The following ATP8B4 variants were observed in gnomAD, a reference collection of about 807,000 sequenced individuals.
ATP8B4 encodes the protein probable phospholipid-transporting ATPase IM.
A neutral mutation model predicts 145.6 loss-of-function variants in ATP8B4; 133 were observed. That is an observed-to-expected ratio of 0.91 (90% confidence interval 0.79 to 1.05). The LOEUF (loss-of-function observed/expected upper bound fraction) is 1.05, where lower values mean the gene tolerates loss of function less well. ATP8B4 is among the 50% of genes least tolerant of loss of function. ATP8B4 has a pLI of 0.00. For synonymous variants in ATP8B4, 507 were observed against 492.9 expected (o/e 1.03, Z -0.38); for missense variants, 1,458 against 1,425.2 (o/e 1.02, Z -0.37).
intron 1 of ATP8B4, among the ~76,000 whole-genome samples, chr15:50,129,117 A>T (rs556237658): frequency 1.3e-5 from 2 of 152,204 alleles, no homozygotes; most frequent in African/African-American, 4.8e-5. Flanking sequence ...TTTTTAGGGC[A>T]TATAGGTAAT....
chr15:49,867,162 G>A (rs1251945384), intron 25 of ATP8B4, among the ~76,000 whole-genome samples: 1 of 152,152 alleles, frequency 6.6e-6, no homozygotes, highest in Non-Finnish European at 1.5e-5. Flanking sequence ...TGGTAAATAT[G>A]AACACTTGAG....
intron 1 of ATP8B4, among the ~76,000 whole-genome samples, chr15:50,172,759 C>T (rs572263620): frequency 3.4e-4 from 51 of 152,058 alleles, no homozygotes; most frequent in African/African-American, 1.2e-3. Flanking sequence ...CCCGCCGCCC[C>T]GTCTGAGATG....
At chr15:49,925,188 A>AATT in intron 16 of ATP8B4, among the ~76,000 whole-genome samples, 1 of 152,232 alleles carries the variant, frequency 6.6e-6, no homozygotes, top group East Asian at 1.9e-4. Flanking sequence ...TAGTTACTAT[A>AATT]ATTATTATTA....
chr15:49,877,795 A>G (rs1043266548), intron 24 of ATP8B4, among the ~76,000 whole-genome samples: 7 of 152,190 alleles, frequency 4.6e-5, no homozygotes, highest in African/African-American at 1.7e-4. Context: ...TTCTTGCCAC[A>G]TCGTAAGTAA....
intron 1 of ATP8B4, among the ~76,000 whole-genome samples, chr15:50,140,033 G>C (rs2153679762): frequency 6.6e-6 from 1 of 152,198 alleles, no homozygotes; most frequent in Admixed American, 6.5e-5. Flanking sequence ...TGATGGAAGG[G>C]GAGCTAGTGA....
At chr15:50,072,935 T>C (rs1270819966) in intron 3 of ATP8B4, among the ~76,000 whole-genome samples, 1 of 17,222 alleles carries the variant, frequency 5.8e-5, no homozygotes, top group African/African-American at 2.2e-4. Flanking sequence ...TCTCTCTCTC[T>C]CTCTCTCTCT....
intron 12 of ATP8B4, among the ~76,000 whole-genome samples, chr15:49,977,396 A>G (rs16963130): frequency 0.038 from 5,770 of 152,230 alleles, 364 homozygotes; most frequent in African/African-American, 0.13. Flanking sequence ...ATGCCTAACA[A>G]CAAGGACAGA....
rs141902919 is a variant in ATP8B4, at chr15:50,045,276, G to A, written c.202-584C>T. On this transcript the variant is annotated intron_variant, in intron 4 of 27. Transcript: ENST00000284509. ...GAGTCAGGAAATGTTGCAGACCTGG[G>A]TATCATGTCCCAATTTTATAAATGA... Among the ~76,000 whole-genome samples the A allele has an allele frequency of 2.5e-4, 38 of 152,180 alleles. 1 individual carries two copies. The highest frequency in any genetic ancestry group is 8.7e-4 in the African/African-American group (36 of 41,516).
At chr15:49,959,399 C>G (rs1181938145) in intron 14 of ATP8B4, among the ~76,000 whole-genome samples, 1 of 151,516 alleles carries the variant, frequency 6.6e-6, no homozygotes, top group Non-Finnish European at 1.5e-5. Context: ...AGCATATGCA[C>G]TAATGTCAGA....
intron 1 of ATP8B4, among the ~76,000 whole-genome samples, chr15:50,138,470 TAGAC>T (rs3076919): frequency 9.5e-4 from 145 of 151,862 alleles, no homozygotes; most frequent in Non-Finnish European, 1.7e-3. Flanking sequence ...GACAGATAGA[TAGAC>T]AGACAGATAG....
At position 49,905,594 on chromosome 15, in the gene ATP8B4, A is replaced by C. The variant is rs773051202; in HGVS notation, c.2142-4355T>G. On this transcript the variant is annotated intron_variant, in intron 20 of 27. Transcript: ENST00000284509. The stretch of plus-strand genomic sequence containing the variant: ...TGTTGCCTCTCTGTCTTATACTCTA[A>C]GAATGGGGTTACCTACAAGTCTGAG... Among the ~76,000 whole-genome samples the C allele has an allele frequency of 4.4e-4, 67 of 152,312 alleles. 1 individual carries two copies. Among genetic ancestry groups the C allele is most frequent in the Non-Finnish European group, 8.4e-4 (57 of 68,012 alleles).
rs1266157276 is a variant in ATP8B4 at position 49,931,168 on chromosome 15, TA to T, written c.1592del (p.Leu531TyrfsTer17). 6.2e-7 allele frequency: 1 copy of T among 1,612,378 alleles called. No homozygotes were observed. The part of the protein sequence containing the change: ...EELGTLVTYQ[L>X]LAFLDFNNTR... ...TGTTGTTGAAATCCAAAAAGGCAAG[TA>T]ATTGATAAGTAACTAGTGTTCCCAA... On this transcript the variant is annotated frameshift_variant, in exon 16 of 28. Transcript: ENST00000284509. LOFTEE classifies it high-confidence loss of function.
chr15:49,892,954 C>T (rs1260277812), intron 23 of ATP8B4, among the ~76,000 whole-genome samples: 1 of 152,114 alleles, frequency 6.6e-6, no homozygotes, highest in African/African-American at 2.4e-5. Flanking sequence ...AAAACTTGGA[C>T]CACAAGCTGG....
At chr15:49,959,114 T>A (rs1286157581) in intron 14 of ATP8B4, among the ~76,000 whole-genome samples, 3 of 151,902 alleles carry the variant, frequency 2.0e-5, no homozygotes, top group Admixed American at 2.0e-4. Flanking sequence ...AAAAAACAGT[T>A]TAACATGACA....
intron 6 of ATP8B4, among the ~76,000 whole-genome samples, chr15:50,020,881 T>G (rs1018971877): frequency 6.6e-5 from 10 of 152,366 alleles, no homozygotes; most frequent in Non-Finnish European, 8.8e-5. Flanking sequence ...ATGTAAATCC[T>G]TATATGTTCA....
intron 8 of ATP8B4, 140 bp downstream of exon 8, chr15:50,002,013 G>C: frequency 1.6e-6 from 1 of 617,174 alleles, no homozygotes; most frequent in Non-Finnish European, 2.7e-6. Flanking sequence ...AATTACTGTA[G>C]AGTAATTAAC....
At position 50,086,028 on chromosome 15, in the gene ATP8B4, A is replaced by C. The variant is rs1199198397; in HGVS notation, c.29-11843T>G. On this transcript the variant is annotated intron_variant, in intron 2 of 27. Transcript: ENST00000284509. ...ATATAATATATATAGATCTATATTT[A>C]TTATATATAATATAATATATAGATC... 3.1e-5 allele frequency among the ~76,000 whole-genome samples: 3 copies of C among 97,154 alleles called. 1 individual carries two copies. Among genetic ancestry groups the C allele is most frequent in the Non-Finnish European group, 5.6e-5 (3 of 53,746 alleles). The allele number at this position is 97,154 out of a possible 152,430, so 63.7% of individuals were successfully genotyped here.
chr15:49,946,413 C>T (rs1174660777), intron 14 of ATP8B4, among the ~76,000 whole-genome samples: 1 of 152,166 alleles, frequency 6.6e-6, no homozygotes, highest in East Asian at 1.9e-4. Context: ...AACACACTTC[C>T]CAGTTCTATA....
At position 50,001,507 on chromosome 15, in the gene ATP8B4, C is replaced by G. The variant is rs190746007; in HGVS notation, c.506+646G>C. 3.3e-3 allele frequency among the ~76,000 whole-genome samples: 503 copies of G among 152,270 alleles called. 1 individual carries two copies. Among genetic ancestry groups the G allele is most frequent in the Non-Finnish European group, 6.2e-3 (419 of 68,026 alleles). On this transcript the variant is annotated intron_variant, in intron 8 of 27. Transcript: ENST00000284509. ...GGACAAATTACCTAGGCTCTCTAAGCCTTGATTTCATTGTCTGTACAATAG... is the reference window on the plus strand; with the variant it reads ...GGACAAATTACCTAGGCTCTCTAAGGCTTGATTTCATTGTCTGTACAATAG...
Sources: gnomAD v4.1 joint callset for allele counts (sites outside exome capture counted in the v4.1 genomes callset) on GRCh38, gnomAD v4.1.1 for gene constraint, MANE v1.5 for transcripts, NCBI Gene and HGNC (gene_info 2026-07-23, HGNC 2026-07-21) for gene names.